The following ITGA7 variants were observed in gnomAD, a reference collection of about 807,000 sequenced individuals.
The protein encoded by ITGA7 is integrin subunit alpha 7.
A neutral mutation model predicts 131.6 loss-of-function variants in ITGA7; 84 were observed. The observed-to-expected ratio is 0.64, with a 90% confidence interval of 0.54 to 0.77. ITGA7 has a LOEUF of 0.77. Ranked by LOEUF, ITGA7 falls within the 30% of genes least tolerant of loss-of-function variation. ITGA7 has a pLI of 0.00. For synonymous variants in ITGA7, 548 were observed against 600.7 expected (o/e 0.91, Z 1.28); for missense variants, 1,399 against 1,482.9 (o/e 0.94, Z 0.93).
At position 55,698,002 on chromosome 12, in the gene ITGA7, T is replaced by C. The variant is rs1298211326; in HGVS notation, c.1217A>G (p.Asp406Gly). The change falls in exon 8 of 25, where the codon GAT becomes GGT. Residue 406 changes from aspartate (D) to glycine (G), a missense_variant. Asp to Gly is a moderately conservative substitution (Grantham distance 94). Transcript: ENST00000257879. The part of the protein sequence containing the change: ...FPDIAVGAPF[D>G]GDGKVFIYHG... Reference sequence around the variant, plus strand: ...GTAGATGAAGACTTTCCCATCACCATCAAAGGGGGCACCCACTGCAATATC... The same window carrying C: ...GTAGATGAAGACTTTCCCATCACCACCAAAGGGGGCACCCACTGCAATATC... 3 of 1,614,072 alleles carry C rather than the reference T, an allele frequency of 1.9e-6. No homozygotes were observed. The highest frequency in any genetic ancestry group is 3.3e-5 in the Admixed American group (2 of 60,010).
chr12:55,694,344 A>G lies in ITGA7; in HGVS notation c.2358-14T>C, dbSNP rs1412381446. The stretch of plus-strand genomic sequence containing the variant: ...TGCTCACTGATCCTGGTGAGTGGGC[A>G]GGGGCAAGTATGGGCATCAGGCACA... On this transcript the variant is annotated splice_polypyrimidine_tract_variant and intron_variant, in intron 17 of 24. Transcript: ENST00000257879. This position sits in a 1 kb window ranked among gnomAD's most constrained non-coding sequence, Gnocchi z 5.3. 6.2e-7 allele frequency: 1 copy of G among 1,613,618 alleles called. No homozygotes were observed. Among genetic ancestry groups the G allele is most frequent in the African/African-American group, 1.3e-5 (1 of 74,946 alleles).
At chr12:55,702,370 C>T (rs1373065342) in intron 3 of ITGA7, among the ~76,000 whole-genome samples, 1 of 152,090 alleles carries the variant, frequency 6.6e-6, no homozygotes, top group Non-Finnish European at 1.5e-5. Context: ...TTAGTAGAGA[C>T]GGGGTTTCAC....
upstream of ITGA7, among the ~76,000 whole-genome samples, chr12:55,713,443 C>A (rs1023911318): frequency 1.3e-5 from 2 of 152,170 alleles, no homozygotes; most frequent in African/African-American, 4.8e-5. Context: ...CAGTATACAG[C>A]GGTAAGACTC....
chr12:55,702,227 T>C (rs10783769), intron 3 of ITGA7, among the ~76,000 whole-genome samples: 76,015 of 150,264 alleles, frequency 0.51, 20,368 homozygotes, highest in East Asian at 0.94. Context: ...TCACCCAGGC[T>C]GGAGCGCAGT....
chr12:55,699,814 G>A (rs1025228185), intron 5 of ITGA7, 56 bp downstream of exon 5: 7 of 1,566,442 alleles, frequency 4.5e-6, no homozygotes, highest in African/African-American at 4.0e-5. Context: ...GTTCCCTGGG[G>A]AAGGAGGGGA....
At chr12:55,693,107 C>G (rs779023268) in intron 20 of ITGA7, 34 bp downstream of exon 20, 2 of 1,612,530 alleles carry the variant, frequency 1.2e-6, no homozygotes, top group African/African-American at 2.7e-5. Flanking sequence ...ACATCTGTCC[C>G]CACATCTAAC....
chr12:55,714,028 G>A (rs1876317505), upstream of ITGA7, among the ~76,000 whole-genome samples: 1 of 152,194 alleles, frequency 6.6e-6, no homozygotes, highest in African/African-American at 2.4e-5. Context: ...ATATGGTTTA[G>A]CCCAGTGAGT....
At chr12:55,693,517 A>G (rs1871948253) in intron 19 of ITGA7, among the ~76,000 whole-genome samples, 200 bp from the exon 20 acceptor site, 1 of 151,944 alleles carries the variant, frequency 6.6e-6, no homozygotes. Flanking sequence ...TCAGCTTTCA[A>G]GTGGATCCTA....
intron 3 of ITGA7, among the ~76,000 whole-genome samples, chr12:55,702,372 G>A (rs904639555): frequency 6.6e-6 from 1 of 152,142 alleles, no homozygotes; most frequent in Admixed American, 6.5e-5. Flanking sequence ...AGTAGAGACG[G>A]GGTTTCACCA....
intron 5 of ITGA7, among the ~76,000 whole-genome samples, chr12:55,699,265 C>T (rs1873414764): frequency 6.6e-6 from 1 of 152,170 alleles, no homozygotes. Flanking sequence ...GGAGGCTGAG[C>T]ACAGTGGCCT....
upstream of ITGA7, chr12:55,716,192 G>T (rs751303015): frequency 2.5e-6 from 4 of 1,608,674 alleles, no homozygotes; most frequent in Non-Finnish European, 3.4e-6. Context: ...GCAAGGAGCT[G>T]CAGGGTGAGC....
At position 55,688,063 on chromosome 12, in the gene ITGA7, C is replaced by G. The variant is rs757563335; in HGVS notation, c.3091G>C (p.Val1031Leu). 6.2e-7 allele frequency: 1 copy of G among 1,614,196 alleles called. No homozygotes were observed. The highest frequency in any genetic ancestry group is 2.2e-5 in the East Asian group (1 of 44,874). The change falls in exon 24 of 25, where the codon GTG becomes CTG. Residue 1031 changes from valine (V) to leucine (L), a missense_variant. Transcript: ENST00000257879. ...CACCAGGGCACTCCTTCTGCCACCA[C>G]AGCCATGGGGTCCAAGTATACCATC... The part of the protein sequence containing the change: ...PVMVYLDPMA[V>L]VAEGVPWWVI...
chr12:55,712,414 C>G, upstream of ITGA7: 1 of 661,404 alleles, frequency 1.5e-6, no homozygotes, highest in South Asian at 1.8e-5. Flanking sequence ...TCTGTGTCCT[C>G]CCTCAGCCCT....
Position 55,687,403 on chromosome 12 carries a change from G to C in ITGA7, c.3183+568C>G, listed in dbSNP as rs186198389. ...AGGATTTCACCATGTTGGCCAGCTT[G>C]GTCTTGAACTCCTGACCTCAGGTGA... On this transcript the variant is annotated intron_variant, in intron 24 of 24. Coordinates refer to ENST00000257879, the MANE Select transcript of ITGA7 (RefSeq NM_002206.3). 2.2e-3 allele frequency among the ~76,000 whole-genome samples: 337 copies of C among 150,246 alleles called. 1 individual carries two copies. The highest frequency in any genetic ancestry group is 7.6e-3 in the African/African-American group (311 of 40,786).
Position 55,701,172 on chromosome 12 carries a change from G to A in ITGA7, c.415-18C>T. 3.7e-6 allele frequency: 6 copies of A among 1,614,160 alleles called. No homozygotes were observed. The highest frequency in any genetic ancestry group is 4.2e-6 in the Non-Finnish European group (5 of 1,180,038). On this transcript the variant is annotated intron_variant, in intron 3 of 24. Coordinates refer to ENST00000257879, the MANE Select transcript of ITGA7 (RefSeq NM_002206.3). ...GCACAGGTCTGGGGGAGGAAGGGATGGGGATCATTTCACTCTGTGGGCCAG... is the reference window on the plus strand; with the variant it reads ...GCACAGGTCTGGGGGAGGAAGGGATAGGGATCATTTCACTCTGTGGGCCAG...
intron 21 of ITGA7, among the ~76,000 whole-genome samples, chr12:55,692,140 G>A (rs1042492478): frequency 3.9e-5 from 6 of 152,124 alleles, no homozygotes; most frequent in Non-Finnish European, 7.3e-5. Context: ...TTTGCTGAGC[G>A]CGTGGCTCAG....
rs1039639807 is a variant in ITGA7, at chr12:55,697,106, A to G, written c.1568-38T>C. On this transcript the variant is annotated intron_variant, in intron 11 of 24. Transcript: ENST00000257879. ...GGGAAAGGAGGAGCTGCTGAGCTGC[A>G]GAGCTGCTCCAGCTCACCCCATTCC... 4 of 1,604,070 alleles carry G rather than the reference A, an allele frequency of 2.5e-6. No homozygotes were observed. The African/African-American group carries it at 4.0e-5, about 16-fold the overall frequency.
intron 1 of ITGA7, among the ~76,000 whole-genome samples, chr12:55,705,857 C>T (rs558221632): frequency 6.6e-6 from 1 of 152,356 alleles, no homozygotes; most frequent in African/African-American, 2.4e-5. Flanking sequence ...CAGAGCTAGA[C>T]TAAAAGACAT....
rs1011611821 is a variant in ITGA7 at position 55,702,736 on chromosome 12, A to G, written c.414+136T>C. On this transcript the variant is annotated intron_variant, in intron 3 of 24. Coordinates refer to ENST00000257879, the MANE Select transcript of ITGA7 (RefSeq NM_002206.3). ...AGGACCATGTCTCACACCTTTTTAT[A>G]TCTCCCTGATGTACTTGGAATCATA... is the stretch of plus-strand genomic sequence containing the variant. The G allele has an allele frequency of 2.0e-5, 15 of 752,482 alleles. No individual in the cohort carries two copies. In the African/African-American group the frequency reaches 2.2e-4, roughly 11 times the overall value. 46.6% of individuals were successfully genotyped at this position (752,482 alleles called of 1,614,324 possible).
Sources: gnomAD v4.1 joint callset for allele counts (sites outside exome capture counted in the v4.1 genomes callset) on GRCh38, gnomAD v4.1.1 for gene constraint, Gnocchi (gnomAD v3.1) non-coding constraint, MANE v1.5 for transcripts, NCBI Gene and HGNC (gene_info 2026-07-23, HGNC 2026-07-21) for gene names.